Variants in EYS observed in about 807,000 individuals in gnomAD.
EYS encodes the protein protein eyes shut homolog.
In EYS, 250 loss-of-function variants were observed where a neutral mutation model predicts 282.1. That is an observed-to-expected ratio of 0.89 (90% CI 0.80 to 0.98). The LOEUF (loss-of-function observed/expected upper bound fraction) is 0.98. Among genes scored for constraint, EYS ranks in the 50% least tolerant of loss-of-function variants. The pLI, the probability that EYS is intolerant of heterozygous loss-of-function variation, is 0.00. For synonymous variants in EYS, 1,355 were observed against 1,282.9 expected (o/e 1.06, Z -1.20); for missense variants, 4,016 against 3,709.0 (o/e 1.08, Z -2.15).
At chr6:65,564,610 T>C (rs1045826187) in intron 2 of EYS, among the ~76,000 whole-genome samples, 2 of 152,136 alleles carry the variant, frequency 1.3e-5, no homozygotes, top group African/African-American at 4.8e-5. Flanking sequence ...TTACACCTTA[T>C]ACAAAAATTA....
chr6:63,763,657 G>C (rs1172722510), intron 40 of EYS, among the ~76,000 whole-genome samples: 1 of 151,520 alleles, frequency 6.6e-6, no homozygotes, highest in Non-Finnish European at 1.5e-5. Flanking sequence ...ACCATGTTAG[G>C]AAGGACATGT....
intron 30 of EYS, among the ~76,000 whole-genome samples, chr6:64,282,421 A>G (rs1185252952): frequency 6.6e-6 from 1 of 152,188 alleles, no homozygotes; most frequent in Admixed American, 6.5e-5. Flanking sequence ...CAGGAGTGAA[A>G]TATAATCCAA....
At chr6:65,200,015 G>A (rs1357442030) in intron 12 of EYS, among the ~76,000 whole-genome samples, 1 of 152,126 alleles carries the variant, frequency 6.6e-6, no homozygotes, top group African/African-American at 2.4e-5. Flanking sequence ...TTTTGAATAT[G>A]ATGAAGTAAA....
intron 35 of EYS, among the ~76,000 whole-genome samples, chr6:63,888,613 C>A (rs1773327301): frequency 6.6e-6 from 1 of 152,178 alleles, no homozygotes; most frequent in Non-Finnish European, 1.5e-5. Flanking sequence ...AAAAGGATGA[C>A]CATGCAAAAA....
chr6:64,239,497 T>C (rs1479089048), intron 30 of EYS, among the ~76,000 whole-genome samples: 1 of 152,242 alleles, frequency 6.6e-6, no homozygotes, highest in East Asian at 1.9e-4. Context: ...ATTTCTCTAA[T>C]GACAAGTGAT....
At chr6:64,125,785 CA>C (rs920132590) in intron 31 of EYS, among the ~76,000 whole-genome samples, 5,476 of 50,150 alleles carry the variant, frequency 0.11, 39 homozygotes, top group Non-Finnish European at 0.17. Context: ...GACTCCGTCT[CA>C]AAAAAAAAAA....
chr6:64,816,324 A>G (rs914333101), intron 21 of EYS, among the ~76,000 whole-genome samples: 2 of 152,118 alleles, frequency 1.3e-5, no homozygotes, highest in Non-Finnish European at 2.9e-5. Flanking sequence ...AATCTCATTA[A>G]TTATATGGGC....
chr6:65,036,815 G>A (rs1373126918), intron 13 of EYS, among the ~76,000 whole-genome samples: 1 of 151,920 alleles, frequency 6.6e-6, no homozygotes, highest in East Asian at 1.9e-4. Context: ...AATAACAGAT[G>A]TCGGTGAGGT....
chr6:64,031,785 C>G (rs949020656), intron 33 of EYS, among the ~76,000 whole-genome samples: 1 of 152,100 alleles, frequency 6.6e-6, no homozygotes, highest in Admixed American at 6.5e-5. Context: ...TGGAGAACAT[C>G]TGTGTCTAGC....
At chr6:64,926,285 A>G (rs1768514724) in intron 15 of EYS, among the ~76,000 whole-genome samples, 1 of 152,136 alleles carries the variant, frequency 6.6e-6, no homozygotes, top group East Asian at 1.9e-4. Flanking sequence ...GCTCAAGATC[A>G]TAAATCTCTG....
intron 28 of EYS, among the ~76,000 whole-genome samples, chr6:64,390,263 G>C (rs1278816247): frequency 6.6e-6 from 1 of 152,198 alleles, no homozygotes; most frequent in African/African-American, 2.4e-5. Context: ...CAACTGGGTG[G>C]AGCCCACCAC....
At chr6:64,502,365 C>G (rs1453527930) in intron 26 of EYS, among the ~76,000 whole-genome samples, 1 of 151,978 alleles carries the variant, frequency 6.6e-6, no homozygotes, top group Non-Finnish European at 1.5e-5. Context: ...CTCAGCCTCC[C>G]GAGTAGCTAG....
chr6:64,495,457 T>C (rs908718810), intron 26 of EYS, among the ~76,000 whole-genome samples: 1 of 151,842 alleles, frequency 6.6e-6, no homozygotes, highest in Admixed American at 6.6e-5. Flanking sequence ...TCAAAATGAT[T>C]TGGATAGAAT....
In EYS at chr6:65,249,890, T is replaced by C. The variant is rs80168709; in HGVS notation, c.2023+45973A>G. On this transcript the variant is annotated intron_variant, in intron 12 of 42. Transcript: ENST00000503581. ...AAGGTACTGCAGCAAAAAAGGTTAA[T>C]AACTGGAAGCATCACTGGCAATACG... is the stretch of plus-strand genomic sequence containing the variant. Among the ~76,000 whole-genome samples the C allele has an allele frequency of 1.9e-3, 289 of 152,086 alleles. 2 individuals are homozygous for C. The highest frequency in any genetic ancestry group is 6.6e-3 in the African/African-American group (274 of 41,512).
intron 36 of EYS, among the ~76,000 whole-genome samples, chr6:63,860,772 T>A (rs1045287239): frequency 6.6e-6 from 1 of 152,172 alleles, no homozygotes; most frequent in Non-Finnish European, 1.5e-5. Context: ...AGGAGCAACA[T>A]CTATGGGCTG....
intron 12 of EYS, among the ~76,000 whole-genome samples, chr6:65,092,994 C>A (rs780432158): frequency 2.0e-5 from 3 of 152,070 alleles, no homozygotes; most frequent in Non-Finnish European, 4.4e-5. Flanking sequence ...TACATTGATG[C>A]ATTATCATCA....
intron 2 of EYS, among the ~76,000 whole-genome samples, chr6:65,502,163 A>C (rs1766476856): frequency 6.6e-6 from 1 of 151,740 alleles, no homozygotes; most frequent in Non-Finnish European, 1.5e-5. Context: ...TATGCGACTT[A>C]TAGACAAAAA....
At chr6:65,487,532 T>C (rs1245244689) in intron 5 of EYS, among the ~76,000 whole-genome samples, 1 of 152,222 alleles carries the variant, frequency 6.6e-6, no homozygotes. Context: ...GCCGACTTGA[T>C]CTTGGTAGAC....
chr6:64,782,075 T>A (rs1351758042), intron 22 of EYS, among the ~76,000 whole-genome samples: 2 of 152,220 alleles, frequency 1.3e-5, no homozygotes, highest in Non-Finnish European at 2.9e-5. Context: ...CTTTTAAATG[T>A]CTGTAAGATT....
Sources: gnomAD v4.1 joint callset for allele counts (sites outside exome capture counted in the v4.1 genomes callset) on GRCh38, gnomAD v4.1.1 for gene constraint, MANE v1.5 for transcripts, NCBI Gene and HGNC (gene_info 2026-07-23, HGNC 2026-07-21) for gene names.